FAM135B: variants seen among roughly 807,000 people sequenced by gnomAD.
FAM135B encodes the protein family with sequence similarity 135 member B.
In FAM135B, 43 loss-of-function variants were observed where a neutral mutation model predicts 127.7. The ratio of observed to expected loss-of-function variants is 0.34; its 90% CI spans 0.26 to 0.43. FAM135B has a LOEUF of 0.43. Among genes scored for constraint, FAM135B ranks in the 20% least tolerant of loss-of-function variants. FAM135B has a pLI of 1.00. For missense variants in FAM135B, 1,558 were observed against 1,725.6 expected (o/e 0.90, Z 1.72); for synonymous variants, 670 against 665.1 (o/e 1.01, Z -0.11).
At chr8:138,406,778 G>C (rs78180664) in intron 1 of FAM135B, among the ~76,000 whole-genome samples, 56,020 of 145,254 alleles carry the variant, frequency 0.39, 11,433 homozygotes, top group African/African-American at 0.51. Context: ...TCAGAGCTAT[G>C]TATGACAAAC....
intron 7 of FAM135B, among the ~76,000 whole-genome samples, chr8:138,201,924 G>A (rs1184175578): frequency 2.0e-5 from 3 of 151,918 alleles, no homozygotes; most frequent in Non-Finnish European, 2.9e-5. Flanking sequence ...TCGGGAGTTC[G>A]AGACCAGCCT....
chr8:138,470,819 G>A (rs1279499497), intron 1 of FAM135B, among the ~76,000 whole-genome samples: 1 of 152,168 alleles, frequency 6.6e-6, no homozygotes, highest in African/African-American at 2.4e-5. Context: ...CGTCTGACAA[G>A]TAGACAGGCA....
Position 138,241,753 on chromosome 8 carries a change from C to T in FAM135B, c.669+1189G>A, listed in dbSNP as rs889686728. ...ACTATTAATGTGACAGTTACTTTTA[C>T]GTGTCATCTTACTTGGGCCACAAGG... On this transcript the variant is annotated intron_variant, in intron 7 of 19. Transcript: ENST00000395297. This position sits in a 1 kb window ranked among gnomAD's most constrained non-coding sequence, Gnocchi z 4.8. Among the ~76,000 whole-genome samples, 10 of 152,176 alleles carry T rather than the reference C, an allele frequency of 6.6e-5. No homozygotes were observed. Among genetic ancestry groups the T allele is most frequent in the East Asian group, 3.9e-4 (2 of 5,194 alleles).
intron 2 of FAM135B, among the ~76,000 whole-genome samples, chr8:138,334,891 G>C (rs911644850): frequency 7.9e-5 from 12 of 152,076 alleles, no homozygotes; most frequent in African/African-American, 2.9e-4. Flanking sequence ...CTACTCAATT[G>C]TTCATAAGCA....
In FAM135B at chr8:138,242,165, T is replaced by TTGTGTGTGTGTGTGTGTG. The variant is rs55837421; in HGVS notation, c.669+759_669+776dup. Among the ~76,000 whole-genome samples, 1 of 129,994 alleles carries TTGTGTGTGTGTGTGTGTG rather than the reference T, an allele frequency of 7.7e-6. No homozygotes were observed. The highest frequency in any genetic ancestry group is 2.8e-4 in the South Asian group (1 of 3,566). The allele number at this position is 129,994 out of a possible 152,430, so 85.3% of individuals were successfully genotyped here. A position where few individuals can be genotyped will look rare whatever the true frequency, so the allele number is the denominator to read the frequency against. ...AGTCAATTACTTATGATAAATCTCTTTGTGTGTGTGTGTGTGTGTGTGTGT... is the reference window on the plus strand; with the variant it reads ...AGTCAATTACTTATGATAAATCTCTTTGTGTGTGTGTGTGTGTGTGTGTGTGTGTGTGTGTGTGTGTGT... On this transcript the variant is annotated intron_variant, in intron 7 of 19. Coordinates refer to ENST00000395297, the MANE Select transcript of FAM135B (RefSeq NM_015912.4). This position sits in a 1 kb window ranked among gnomAD's most constrained non-coding sequence, Gnocchi z 9.6.
chr8:138,240,586 T>C (rs1357873844), intron 7 of FAM135B, among the ~76,000 whole-genome samples: 3 of 152,226 alleles, frequency 2.0e-5, no homozygotes, highest in Non-Finnish European at 4.4e-5. Flanking sequence ...ATGGCAGGCA[T>C]GGTGCTGGCC....
chr8:138,450,488 T>C (rs1396752904), intron 1 of FAM135B: 1 of 152,244 alleles, frequency 6.6e-6, no homozygotes, highest in Non-Finnish European at 1.5e-5. Flanking sequence ...TTCCTATTTT[T>C]TTCCACCCTT....
intron 2 of FAM135B, among the ~76,000 whole-genome samples, chr8:138,354,438 C>T (rs562629223): frequency 6.6e-6 from 1 of 152,176 alleles, no homozygotes; most frequent in East Asian, 1.9e-4. Flanking sequence ...AGACCCCCTT[C>T]CAGTCTTTAT....
intron 11 of FAM135B, among the ~76,000 whole-genome samples, chr8:138,168,698 C>T (rs749674488): frequency 2.0e-5 from 3 of 152,112 alleles, no homozygotes; most frequent in Non-Finnish European, 4.4e-5. Context: ...ATTCCTAATT[C>T]GAAGGCTGGG....
intron 2 of FAM135B, among the ~76,000 whole-genome samples, chr8:138,364,757 C>T (rs340705): frequency 0.99 from 151,471 of 152,272 alleles, 75,343 homozygotes; most frequent in East Asian, 1. Flanking sequence ...ATATGCATTA[C>T]AAATATAGAA....
Position 138,168,058 on chromosome 8 carries a change from C to T in FAM135B, c.1104-9G>A, listed in dbSNP as rs2130904137. On this transcript the variant is annotated splice_polypyrimidine_tract_variant and intron_variant, in intron 11 of 19. Transcript: ENST00000395297. ...GGCTGTGCGTCTGTATCCTGGGGAGCACATGGCAGGGTGAGCGTCCAGGGA... is the reference window on the plus strand; with the variant it reads ...GGCTGTGCGTCTGTATCCTGGGGAGTACATGGCAGGGTGAGCGTCCAGGGA... 1 of 1,606,530 alleles carries T rather than the reference C, an allele frequency of 6.2e-7. No homozygotes were observed. The highest frequency in any genetic ancestry group is 8.5e-7 in the Non-Finnish European group (1 of 1,176,216).
intron 2 of FAM135B, among the ~76,000 whole-genome samples, chr8:138,324,298 T>C (rs1222386954): frequency 1.3e-5 from 2 of 152,218 alleles, no homozygotes; most frequent in Non-Finnish European, 1.5e-5. Flanking sequence ...CTAAGTCAGG[T>C]AAGAGATCTA....
At chr8:138,338,014 T>A (rs1044199409) in intron 2 of FAM135B, among the ~76,000 whole-genome samples, 3 of 152,150 alleles carry the variant, frequency 2.0e-5, no homozygotes, top group Non-Finnish European at 4.4e-5. Flanking sequence ...GGGGAAAGGA[T>A]TCCCTATTTA....
At chr8:138,486,966 C>T (rs1030613957) in intron 1 of FAM135B, among the ~76,000 whole-genome samples, 1 of 146,476 alleles carries the variant, frequency 6.8e-6, no homozygotes, top group Non-Finnish European at 1.5e-5. Context: ...GTTTTCTTTT[C>T]TTTTTTTTTT....
intron 7 of FAM135B, among the ~76,000 whole-genome samples, chr8:138,230,232 CA>C (rs1245160210): frequency 6.6e-6 from 1 of 152,278 alleles, no homozygotes; most frequent in East Asian, 1.9e-4. Context: ...ACTCTTTTTC[CA>C]CACCTAGAGT....
intron 1 of FAM135B, among the ~76,000 whole-genome samples, chr8:138,406,055 G>C (rs1587368699): frequency 0.062 from 1 of 16 alleles, no homozygotes; most frequent in African/African-American, 0.25. Context: ...ACTTTTTGAT[G>C]GGGGTTGTTT....
At chr8:138,308,877 G>A in intron 3 of FAM135B, 1 of 324,690 alleles carries the variant, frequency 3.1e-6, no homozygotes, top group South Asian at 2.7e-5. Flanking sequence ...TGGCTGTGGT[G>A]TTATTTCTGC....
chr8:138,423,675 G>A (rs1834661399), intron 1 of FAM135B, among the ~76,000 whole-genome samples: 1 of 152,162 alleles, frequency 6.6e-6, no homozygotes, highest in Non-Finnish European at 1.5e-5. Context: ...TGCTAATGAA[G>A]TTTCGGGCAC....
At chr8:138,439,335 C>A (rs1427117690) in intron 1 of FAM135B, 1 of 152,094 alleles carries the variant, frequency 6.6e-6, no homozygotes, top group Admixed American at 6.5e-5. Flanking sequence ...CAAGATTAAG[C>A]AGCTAATCAC....
Sources: gnomAD v4.1 joint callset for allele counts (sites outside exome capture counted in the v4.1 genomes callset) on GRCh38, gnomAD v4.1.1 for gene constraint, Gnocchi (gnomAD v3.1) non-coding constraint, MANE v1.5 for transcripts, NCBI Gene and HGNC (gene_info 2026-07-23, HGNC 2026-07-21) for gene names.